The following MEGF10 variants were observed in gnomAD, a reference collection of about 807,000 sequenced individuals.
The protein encoded by MEGF10 is multiple epidermal growth factor-like domains protein 10.
Under a neutral mutation model 147.5 loss-of-function variants are expected in MEGF10, and 86 were observed. That is an observed-to-expected ratio of 0.58 (90% confidence interval 0.49 to 0.70). The LOEUF (loss-of-function observed/expected upper bound fraction) is 0.70. Among genes scored for constraint, MEGF10 ranks in the 30% least tolerant of loss-of-function variants. The pLI, the probability that MEGF10 is intolerant of heterozygous loss-of-function variation, is 0.00. For missense variants in MEGF10, 1,329 were observed against 1,487.3 expected (o/e 0.89, Z 1.75); for synonymous variants, 478 against 525.5 (o/e 0.91, Z 1.24).
chr5:127,356,919 C>A lies in MEGF10; in HGVS notation c.320-12991C>A, dbSNP rs370659875. ...CTCAAACTTTTTTGACCATGGAATT[C>A]CTTACTCCCTATACCCTCTTCCCTT... is the stretch of plus-strand genomic sequence containing the variant. On this transcript the variant is annotated intron_variant, in intron 4 of 24. Coordinates refer to ENST00000503335, the MANE Select transcript of MEGF10 (RefSeq NM_001256545.2). Among the ~76,000 whole-genome samples, 10 of 152,296 alleles carry A rather than the reference C, an allele frequency of 6.6e-5. 1 individual carries two copies. Among genetic ancestry groups the A allele is most frequent in the Admixed American group, 4.6e-4 (7 of 15,292 alleles).
intron 1 of MEGF10, among the ~76,000 whole-genome samples, chr5:127,325,386 G>C (rs1760972480): frequency 6.6e-6 from 1 of 152,100 alleles, no homozygotes. Flanking sequence ...ATTGTTTGTA[G>C]ATTTTTTCCC....
chr5:127,419,393 C>T (rs527354409), intron 11 of MEGF10, among the ~76,000 whole-genome samples, 153 bp downstream of exon 11: 4 of 152,300 alleles, frequency 2.6e-5, no homozygotes, highest in African/African-American at 7.2e-5. Flanking sequence ...TGGGCTGGAA[C>T]GCTTTCCTGA....
rs114169586 is a variant in MEGF10, at chr5:127,305,410, G to A, written c.-19+14354G>A. On this transcript the variant is annotated intron_variant, in intron 1 of 24. Coordinates refer to ENST00000503335, the MANE Select transcript of MEGF10 (RefSeq NM_001256545.2). ...CTGAGTAGCAGAGGCCTGCCAGTGA[G>A]GAAACACTTCACCTAGCCTAGGAGA... Among the ~76,000 whole-genome samples, 1,240 of 152,200 alleles carry A rather than the reference G, an allele frequency of 8.1e-3. 15 individuals carry two copies. The highest frequency in any genetic ancestry group is 0.028 in the African/African-American group (1,163 of 41,500).
At chr5:127,306,760 C>T (rs958721410) in intron 1 of MEGF10, among the ~76,000 whole-genome samples, 3 of 152,172 alleles carry the variant, frequency 2.0e-5, no homozygotes, top group Non-Finnish European at 2.9e-5. Context: ...CCAGGCGAAG[C>T]GGAGCTACCT....
chr5:127,445,940 G>T (rs1018640770), intron 20 of MEGF10, among the ~76,000 whole-genome samples: 6 of 152,128 alleles, frequency 3.9e-5, no homozygotes, highest in African/African-American at 1.2e-4. Context: ...TTTAGATTTA[G>T]GGAATTTCAA....
At chr5:127,374,562 G>A (rs2126871414) in intron 5 of MEGF10, among the ~76,000 whole-genome samples, 1 of 152,186 alleles carries the variant, frequency 6.6e-6, no homozygotes, top group Admixed American at 6.5e-5. Flanking sequence ...CATCTTAGAA[G>A]TGAACATGCT....
At chr5:127,427,514 G>A (rs1464676146) in intron 13 of MEGF10, among the ~76,000 whole-genome samples, 3 of 151,918 alleles carry the variant, frequency 2.0e-5, no homozygotes, top group African/African-American at 7.3e-5. Flanking sequence ...CAGCCAGGAA[G>A]GGTGTAATCG....
intron 1 of MEGF10, among the ~76,000 whole-genome samples, chr5:127,318,039 C>G (rs1760633736): frequency 6.6e-6 from 1 of 152,090 alleles, no homozygotes; most frequent in Non-Finnish European, 1.5e-5. Flanking sequence ...GTTAGTGTTT[C>G]TTGACATTGG....
chr5:127,365,717 C>G (rs534812928), intron 4 of MEGF10, among the ~76,000 whole-genome samples: 2 of 152,338 alleles, frequency 1.3e-5, no homozygotes, highest in Non-Finnish European at 2.9e-5. Context: ...CAGCTTATAT[C>G]TGGCCTCTAA....
At chr5:127,266,494 C>G in the MEGF10 span, among the ~76,000 whole-genome samples, 1 of 152,132 alleles carries the variant, frequency 6.6e-6, no homozygotes, top group Non-Finnish European at 1.5e-5. Flanking sequence ...GGCGTTGAAT[C>G]TATAAATTAC....
At chr5:127,336,739 G>A (rs1761485692) in intron 2 of MEGF10, among the ~76,000 whole-genome samples, 2 of 152,086 alleles carry the variant, frequency 1.3e-5, no homozygotes, top group Admixed American at 6.6e-5. Flanking sequence ...AATGAATTTA[G>A]TTCAGCTAAA....
chr5:127,414,756 GC>G (rs1241555436), intron 9 of MEGF10, among the ~76,000 whole-genome samples: 1 of 152,172 alleles, frequency 6.6e-6, no homozygotes, highest in Non-Finnish European at 1.5e-5. Flanking sequence ...CCTACCATGT[GC>G]CCGTGAAAGG....
At position 127,331,396 on chromosome 5, in the gene MEGF10, G is replaced by T. The variant is rs1761253902; in HGVS notation, c.88G>T (p.Asp30Tyr). Reference sequence around the variant, plus strand: ...GACAGCATCACCTCTGAATCTTGAAGACCCTAATGTGTGTAGCCACTGGGA... The same window carrying T: ...GACAGCATCACCTCTGAATCTTGAATACCCTAATGTGTGTAGCCACTGGGA... ...IGTASPLNLE[D>Y]PNVCSHWESY... is the part of the protein sequence containing the mutation. Residue 30 changes from aspartate (D) to tyrosine (Y), a missense_variant, in exon 2 of 25, where the codon GAC (aspartate) becomes TAC (tyrosine). Coordinates refer to ENST00000503335, the MANE Select transcript of MEGF10 (RefSeq NM_001256545.2). 1.9e-6 allele frequency: 3 copies of T among 1,611,610 alleles called. No individual in the cohort carries two copies. Among genetic ancestry groups the T allele is most frequent in the Non-Finnish European group, 2.5e-6 (3 of 1,178,154 alleles).
chr5:127,272,170 C>A, the MEGF10 span, among the ~76,000 whole-genome samples: 1 of 152,080 alleles, frequency 6.6e-6, no homozygotes, highest in Admixed American at 6.6e-5. Context: ...TCTTATGGCA[C>A]CATTTATTAA....
intron 1 of MEGF10, among the ~76,000 whole-genome samples, chr5:127,312,202 G>A (rs1365831431): frequency 6.6e-6 from 1 of 152,162 alleles, no homozygotes; most frequent in African/African-American, 2.4e-5. Flanking sequence ...AGAGCAAGCA[G>A]CCCAGGTCCC....
intron 1 of MEGF10, among the ~76,000 whole-genome samples, chr5:127,296,062 A>G (rs928848559): frequency 1.3e-5 from 2 of 152,102 alleles, no homozygotes; most frequent in African/African-American, 2.4e-5. Context: ...ACCATTTTGC[A>G]TTATTGTTCA....
the MEGF10 span, among the ~76,000 whole-genome samples, chr5:127,236,231 A>G: frequency 3.9e-5 from 6 of 152,188 alleles, no homozygotes; most frequent in Non-Finnish European, 8.8e-5. Flanking sequence ...TCAGCCTCCC[A>G]AAGTGCTGGG....
the MEGF10 span, among the ~76,000 whole-genome samples, chr5:127,242,408 T>C: frequency 6.6e-6 from 1 of 152,130 alleles, no homozygotes; most frequent in Non-Finnish European, 1.5e-5. Flanking sequence ...TATAATGAAA[T>C]TGCAGGGATT....
the MEGF10 span, among the ~76,000 whole-genome samples, chr5:127,273,324 GGCTATTGCCCCAC>G: frequency 6.6e-6 from 1 of 152,170 alleles, no homozygotes; most frequent in African/African-American, 2.4e-5. Context: ...CTCTTGGGTG[GGCTATTGCCCCAC>G]GCTGCTGCAT....
Sources: gnomAD v4.1 joint callset for allele counts (sites outside exome capture counted in the v4.1 genomes callset) on GRCh38, gnomAD v4.1.1 for gene constraint, MANE v1.5 for transcripts, NCBI Gene and HGNC (gene_info 2026-07-23, HGNC 2026-07-21) for gene names.